PACRG: variants seen among roughly 807,000 people sequenced by gnomAD.
PACRG encodes parkin coregulated, also known as parkin coregulated gene protein.
Under a neutral mutation model 29.7 loss-of-function variants are expected in PACRG, and 29 were observed. The ratio of observed to expected loss-of-function variants is 0.98; its 90% CI spans 0.73 to 1.33. The LOEUF (loss-of-function observed/expected upper bound fraction) is 1.33. PACRG is among the 40% of genes most tolerant of loss of function. The pLI is 0.00. For missense variants in PACRG, 279 were observed against 316.2 expected (o/e 0.88, Z 0.89); for synonymous variants, 116 against 118.7 (o/e 0.98, Z 0.15).
chr6:163,222,819 T>A (rs1781642259), intron 4 of PACRG, among the ~76,000 whole-genome samples: 1 of 152,210 alleles, frequency 6.6e-6, no homozygotes, highest in Admixed American at 6.5e-5. Flanking sequence ...TATAAATTAC[T>A]GGGTCCAAAC....
intron 2 of PACRG, among the ~76,000 whole-genome samples, chr6:162,888,414 G>A (rs562816240): frequency 3.9e-4 from 60 of 152,230 alleles, no homozygotes; most frequent in African/African-American, 1.3e-3. Context: ...CCGTAGGATC[G>A]CTGGGCTGCT....
intron 4 of PACRG, among the ~76,000 whole-genome samples, chr6:163,171,848 G>T (rs1779103088): frequency 6.6e-6 from 1 of 152,194 alleles, no homozygotes; most frequent in Non-Finnish European, 1.5e-5. Flanking sequence ...TGCCTGTGGG[G>T]ACCCCTTCTG....
At chr6:163,044,750 G>A (rs769258032) in intron 2 of PACRG, 9 of 152,242 alleles carry the variant, frequency 5.9e-5, no homozygotes, top group Non-Finnish European at 1.2e-4. Context: ...AGTTCGCCTG[G>A]AGAGCAACAT....
rs541760295 is a variant in PACRG at position 162,862,122 on chromosome 6, C to T, written c.291+47841C>T. On this transcript the variant is annotated intron_variant, in intron 2 of 4. Transcript: ENST00000366888. ...ACTGTGCTCCCTCTAGGACAGTCCA[C>T]GGGAACTCAGAGGACTGAGGAGGTG... 4.9e-4 allele frequency among the ~76,000 whole-genome samples: 74 copies of T among 152,226 alleles called. 1 individual carries two copies. Among genetic ancestry groups the T allele is most frequent in the South Asian group, 4.4e-3 (21 of 4,816 alleles).
chr6:163,295,419 G>C (rs1268932687), intron 4 of PACRG, among the ~76,000 whole-genome samples: 2 of 152,132 alleles, frequency 1.3e-5, no homozygotes, highest in Non-Finnish European at 2.9e-5. Flanking sequence ...AGACTGTAAG[G>C]GAAACAGCCG....
intron 1 of PACRG, among the ~76,000 whole-genome samples, chr6:162,759,295 C>T (rs763283857): frequency 2.0e-4 from 31 of 152,148 alleles, no homozygotes; most frequent in Non-Finnish European, 2.6e-4. Flanking sequence ...ACATTGTCTT[C>T]TGATGAGTGT....
chr6:163,106,698 G>C (rs1433394609), intron 4 of PACRG, among the ~76,000 whole-genome samples: 1 of 152,194 alleles, frequency 6.6e-6, no homozygotes, highest in Non-Finnish European at 1.5e-5. Context: ...CCAATGCAAA[G>C]TACCACTTGT....
At chr6:163,282,195 G>A (rs1784247015) in intron 4 of PACRG, among the ~76,000 whole-genome samples, 1 of 152,092 alleles carries the variant, frequency 6.6e-6, no homozygotes, top group African/African-American at 2.4e-5. Context: ...AGACTTTGAG[G>A]TGATATACAA....
intron 1 of PACRG, among the ~76,000 whole-genome samples, chr6:162,809,184 C>T (rs934591569): frequency 1.3e-5 from 2 of 151,924 alleles, no homozygotes; most frequent in East Asian, 1.9e-4. Flanking sequence ...GCATAAAATT[C>T]AGTGCCACTG....
At chr6:162,881,915 C>T (rs1793887675) in intron 2 of PACRG, among the ~76,000 whole-genome samples, 1 of 124,858 alleles carries the variant, frequency 8.0e-6, no homozygotes, top group African/African-American at 3.2e-5. Flanking sequence ...CTCTCTCCAC[C>T]AAGATCGGAG....
chr6:163,260,937 T>C (rs575770582), intron 4 of PACRG, among the ~76,000 whole-genome samples: 4 of 152,102 alleles, frequency 2.6e-5, no homozygotes, highest in African/African-American at 9.6e-5. Flanking sequence ...AGGAACCTTT[T>C]TTTTTTAATA....
At chr6:163,222,171 T>C (rs1262782503) in intron 4 of PACRG, among the ~76,000 whole-genome samples, 2 of 152,208 alleles carry the variant, frequency 1.3e-5, no homozygotes, top group East Asian at 3.9e-4. Context: ...ATTAACCCAC[T>C]ATAAAAAAGA....
At chr6:162,844,460 A>C (rs940377055) in intron 2 of PACRG, among the ~76,000 whole-genome samples, 156 of 152,302 alleles carry the variant, frequency 1.0e-3, no homozygotes, top group African/African-American at 3.6e-3. Context: ...CGGCTCGCGC[A>C]TGGTGCGCGC....
At chr6:163,046,109 A>C (rs1809338667) in intron 2 of PACRG, among the ~76,000 whole-genome samples, 1 of 151,578 alleles carries the variant, frequency 6.6e-6, no homozygotes, top group Admixed American at 6.6e-5. Flanking sequence ...AGTTCATTCC[A>C]ACTCAGGCCA....
intron 2 of PACRG, among the ~76,000 whole-genome samples, chr6:162,954,520 A>G (rs1799881378): frequency 6.6e-6 from 1 of 151,092 alleles, no homozygotes; most frequent in East Asian, 1.9e-4. Flanking sequence ...TTTACTGCAC[A>G]ACCCTTTAGC....
intron 2 of PACRG, among the ~76,000 whole-genome samples, chr6:162,874,590 T>C (rs1793130865): frequency 6.6e-6 from 1 of 152,190 alleles, no homozygotes; most frequent in African/African-American, 2.4e-5. Flanking sequence ...TGTTTGCCTC[T>C]TTCCCTCAAA....
chr6:162,771,973 G>A (rs976041987), intron 1 of PACRG, among the ~76,000 whole-genome samples: 1 of 152,150 alleles, frequency 6.6e-6, no homozygotes, highest in Non-Finnish European at 1.5e-5. Context: ...GGGGGACCAG[G>A]AGAAGGGGAA....
Position 162,777,638 on chromosome 6 carries a change from A to AT in PACRG, c.157-36502dup, listed in dbSNP as rs1783752379. Among the ~76,000 whole-genome samples, 2 of 152,006 alleles carry AT rather than the reference A, an allele frequency of 1.3e-5. 1 individual carries two copies. The highest frequency in any genetic ancestry group is 4.1e-4 in the South Asian group (2 of 4,830). ...AAAGTAGACTCCTTTGAGTTTTGGGATTTTTTTAATTTGGTGCCTGTGATT... is the reference window on the plus strand; with the variant it reads ...AAAGTAGACTCCTTTGAGTTTTGGGATTTTTTTTAATTTGGTGCCTGTGATT... On this transcript the variant is annotated intron_variant, in intron 1 of 4. Coordinates refer to ENST00000366888, the MANE Select transcript of PACRG (RefSeq NM_001080379.2). This position sits in a 1 kb window ranked among gnomAD's most constrained non-coding sequence, Gnocchi z 4.0.
chr6:162,730,195 G>C (rs1238705682), intron 1 of PACRG, among the ~76,000 whole-genome samples: 1 of 151,908 alleles, frequency 6.6e-6, no homozygotes, highest in Non-Finnish European at 1.5e-5. Context: ...ATAAAAGAAG[G>C]CTGGACAATA....
Sources: gnomAD v4.1 joint callset for allele counts (sites outside exome capture counted in the v4.1 genomes callset) on GRCh38, gnomAD v4.1.1 for gene constraint, Gnocchi (gnomAD v3.1) non-coding constraint, MANE v1.5 for transcripts, NCBI Gene and HGNC (gene_info 2026-07-23, HGNC 2026-07-21) for gene names.